IL17B: variants seen among roughly 807,000 people sequenced by gnomAD.
IL17B encodes interleukin-17B.
Under a neutral mutation model 14.7 loss-of-function variants are expected in IL17B, and 14 were observed. That is an observed-to-expected ratio of 0.95 (90% CI 0.63 to 1.49). The LOEUF (loss-of-function observed/expected upper bound fraction) is 1.49, where lower values mean the gene tolerates loss of function less well. IL17B is among the 40% of genes most tolerant of loss of function. The pLI, the probability that IL17B is intolerant of heterozygous loss-of-function variation, is 0.00. For synonymous variants in IL17B, 105 were observed against 94.8 expected (o/e 1.11, Z -0.62); for missense variants, 233 against 252.8 (o/e 0.92, Z 0.53).
At chr5:149,379,528 G>A (rs1196151645), upstream of IL17B, among the ~76,000 whole-genome samples, 2 of 152,202 alleles carry the variant, frequency 1.3e-5, no homozygotes, top group African/African-American at 2.4e-5. Flanking sequence ...TGGCACCTCC[G>A]CCTGTGGCCT....
chr5:149,385,990 G>A (rs186222741), intron 1 of IL17B, among the ~76,000 whole-genome samples: 114 of 152,336 alleles, frequency 7.5e-4, no homozygotes, highest in African/African-American at 2.4e-3. Flanking sequence ...GGGCTCATGG[G>A]TGGGGCAGAA....
chr5:149,385,664 G>A (rs920802211), intron 1 of IL17B, among the ~76,000 whole-genome samples: 4 of 152,232 alleles, frequency 2.6e-5, no homozygotes, highest in Non-Finnish European at 1.5e-5. Flanking sequence ...CCTCCCCTCA[G>A]TCCCGGGGGA....
chr5:149,394,563 C>T (rs1421283651), intron 1 of IL17B, among the ~76,000 whole-genome samples: 2 of 152,178 alleles, frequency 1.3e-5, no homozygotes, highest in African/African-American at 4.8e-5. Flanking sequence ...AATTAGGACT[C>T]TCTAAAAGTC....
chr5:149,392,776 T>C (rs1400295323), intron 1 of IL17B, among the ~76,000 whole-genome samples: 1 of 152,210 alleles, frequency 6.6e-6, no homozygotes, highest in Non-Finnish European at 1.5e-5. Flanking sequence ...ATGCTGTGGA[T>C]CATTTCATTC....
intron 1 of IL17B, among the ~76,000 whole-genome samples, chr5:149,384,573 C>A (rs140053509): frequency 4.6e-4 from 70 of 152,292 alleles, no homozygotes; most frequent in African/African-American, 1.6e-3. Context: ...AGCTAAGTCA[C>A]CTTGGGCAAG....
Position 149,374,351 on chromosome 5 carries a change from G to T in IL17B, c.*18C>A. ...AGGATGGTCTCGGGCTGCTGGCCTG[G>T]CTTCTGGGCCAGGTGATTCAGAAGA... On this transcript the variant is annotated 3_prime_UTR_variant, in exon 3 of 3. Transcript: ENST00000261796. This position sits in a 1 kb window ranked among gnomAD's most constrained non-coding sequence, Gnocchi z 5.0. 6.5e-7 allele frequency: 1 copy of T among 1,546,292 alleles called. No homozygotes were observed. Among genetic ancestry groups the T allele is most frequent in the African/African-American group, 1.3e-5 (1 of 74,112 alleles).
chr5:149,388,131 GTGTC>G (rs1446275512), intron 1 of IL17B, among the ~76,000 whole-genome samples: 1 of 152,238 alleles, frequency 6.6e-6, no homozygotes, highest in African/African-American at 2.4e-5. Context: ...GGAGAGAAAT[GTGTC>G]TGGTGAGAGG....
chr5:149,381,866 G>A (rs1365986011), upstream of IL17B, among the ~76,000 whole-genome samples: 1 of 152,162 alleles, frequency 6.6e-6, no homozygotes, highest in Non-Finnish European at 1.5e-5. Flanking sequence ...GGAGGTGCAG[G>A]AACTGGGCTT....
intron 1 of IL17B, among the ~76,000 whole-genome samples, chr5:149,393,630 G>C (rs1032686937): frequency 6.6e-6 from 1 of 152,082 alleles, no homozygotes; most frequent in Non-Finnish European, 1.5e-5. Context: ...ATTTGCAGTG[G>C]ACACCTTCTT....
At chr5:149,394,151 G>A (rs530555556) in intron 1 of IL17B, among the ~76,000 whole-genome samples, 1 of 152,098 alleles carries the variant, frequency 6.6e-6, no homozygotes, top group Non-Finnish European at 1.5e-5. Context: ...AAACACTCAG[G>A]TACACTAATG....
intron 1 of IL17B, among the ~76,000 whole-genome samples, chr5:149,394,186 C>T (rs567097535): frequency 7.4e-4 from 112 of 152,146 alleles, no homozygotes; most frequent in Non-Finnish European, 1.3e-3. Flanking sequence ...GTAACAGTTA[C>T]GCGCAGATGA....
chr5:149,394,151 G>T (rs530555556), intron 1 of IL17B, among the ~76,000 whole-genome samples: 2 of 152,098 alleles, frequency 1.3e-5, no homozygotes, highest in Admixed American at 6.5e-5. Flanking sequence ...AAACACTCAG[G>T]TACACTAATG....
At chr5:149,380,479 TGA>T (rs1479239944), upstream of IL17B, among the ~76,000 whole-genome samples, 1 of 152,194 alleles carries the variant, frequency 6.6e-6, no homozygotes, top group Non-Finnish European at 1.5e-5. Flanking sequence ...TCCTGGCTGC[TGA>T]GAGAGGTCTA....
intron 1 of IL17B, among the ~76,000 whole-genome samples, chr5:149,401,376 G>A (rs990381845): frequency 6.6e-6 from 1 of 152,174 alleles, no homozygotes; most frequent in African/African-American, 2.4e-5. Context: ...CTAAAACAAA[G>A]TAAGCTGTCA....
chr5:149,395,396 A>C (rs941741225), intron 1 of IL17B, among the ~76,000 whole-genome samples: 1 of 152,130 alleles, frequency 6.6e-6, no homozygotes, highest in Non-Finnish European at 1.5e-5. Context: ...CTTCTGTGCC[A>C]TGTTTTTATG....
chr5:149,382,778 G>A (rs537440559), upstream of IL17B, among the ~76,000 whole-genome samples: 259 of 152,360 alleles, frequency 1.7e-3, no homozygotes, highest in Non-Finnish European at 3.0e-3. Flanking sequence ...ACCTGAACCC[G>A]GTAGGTTCGG....
chr5:149,377,872 G>C (rs1284456721), intron 1 of IL17B, among the ~76,000 whole-genome samples: 1 of 152,088 alleles, frequency 6.6e-6, no homozygotes, highest in African/African-American at 2.4e-5. Context: ...GGCCGGGCGT[G>C]GTGGCTCACA....
upstream of IL17B, among the ~76,000 whole-genome samples, chr5:149,381,394 C>A (rs1451322239): frequency 6.6e-6 from 1 of 152,268 alleles, no homozygotes; most frequent in Non-Finnish European, 1.5e-5. Context: ...TGGCCCCCTC[C>A]TCCCACCCAT....
chr5:149,379,066 G>T, intron 1 of IL17B, 139 bp downstream of exon 1: 2 of 1,022,922 alleles, frequency 2.0e-6, no homozygotes, highest in Non-Finnish European at 3.0e-6. Context: ...TTTCTTTCTA[G>T]TCCTGGGGGA....
Sources: gnomAD v4.1 joint callset for allele counts (sites outside exome capture counted in the v4.1 genomes callset) on GRCh38, gnomAD v4.1.1 for gene constraint, Gnocchi (gnomAD v3.1) non-coding constraint, MANE v1.5 for transcripts, NCBI Gene and HGNC (gene_info 2026-07-23, HGNC 2026-07-21) for gene names.